The following SHC3 variants were observed in gnomAD, a reference collection of about 807,000 sequenced individuals.
The protein encoded by SHC3 is SHC adaptor protein 3, also known as SHC-transforming protein 3.
SHC3 carries 15 observed loss-of-function variants against 60.4 expected under a neutral mutation model. That is an observed-to-expected ratio of 0.25 (90% confidence interval 0.17 to 0.38). SHC3 has a LOEUF of 0.38. Ranked by LOEUF, SHC3 falls within the 10% of genes least tolerant of loss-of-function variation. The pLI is 1.00. For synonymous variants in SHC3, 294 were observed against 325.9 expected (o/e 0.90, Z 1.05); for missense variants, 677 against 786.1 (o/e 0.86, Z 1.66).
At chr9:89,170,764 A>G (rs1030434041) in intron 1 of SHC3, among the ~76,000 whole-genome samples, 4 of 152,232 alleles carry the variant, frequency 2.6e-5, no homozygotes, top group African/African-American at 9.6e-5. Context: ...AATAACACAA[A>G]TCGAACAATG....
At chr9:89,159,449 T>C (rs542297325) in intron 1 of SHC3, among the ~76,000 whole-genome samples, 230 of 152,320 alleles carry the variant, frequency 1.5e-3, no homozygotes, top group Middle Eastern at 6.8e-3. Context: ...CCTCTTTAGC[T>C]ACTTCAAGGA....
intron 1 of SHC3, among the ~76,000 whole-genome samples, chr9:89,123,735 T>C (rs529400273): frequency 1.3e-5 from 2 of 152,324 alleles, no homozygotes; most frequent in East Asian, 3.9e-4. Flanking sequence ...GAGGAATTTA[T>C]AAGAATTCAT....
chr9:89,128,977 C>T (rs774234728), intron 1 of SHC3, among the ~76,000 whole-genome samples: 33 of 152,090 alleles, frequency 2.2e-4, no homozygotes, highest in Non-Finnish European at 4.0e-4. Flanking sequence ...GGAGGATGTT[C>T]GAACCCATCA....
chr9:89,165,260 T>TTGTGTGTGTGTGTGTGTGTG (rs10626309), intron 1 of SHC3, among the ~76,000 whole-genome samples: 2 of 148,546 alleles, frequency 1.3e-5, no homozygotes, highest in African/African-American at 2.5e-5. Context: ...AAAGACGTGT[T>TTGTGTGTGTGTGTGTGTGTG]TGTGTGTGTG....
At chr9:89,077,937 T>G (rs1389952243) in intron 2 of SHC3, 34 bp from the exon 3 acceptor site, 7 of 1,613,112 alleles carry the variant, frequency 4.3e-6, no homozygotes, top group Non-Finnish European at 5.9e-6. Context: ...TTTTATTACG[T>G]GTCAGTCGGG....
At chr9:89,146,165 G>A (rs116872592) in intron 1 of SHC3, among the ~76,000 whole-genome samples, 2,010 of 152,026 alleles carry the variant, frequency 0.013, 20 homozygotes, top group South Asian at 0.032. Flanking sequence ...AGACCAGCCT[G>A]GTCAACATGG....
At chr9:89,163,429 T>A (rs1826740591) in intron 1 of SHC3, among the ~76,000 whole-genome samples, 1 of 151,300 alleles carries the variant, frequency 6.6e-6, no homozygotes, top group African/African-American at 2.4e-5. Context: ...AAATGATGAG[T>A]TCATGTCCTT....
chr9:89,063,062 T>A (rs759289310), intron 6 of SHC3, among the ~76,000 whole-genome samples: 2 of 152,236 alleles, frequency 1.3e-5, no homozygotes, highest in Admixed American at 6.5e-5. Context: ...TAAAGATGGC[T>A]GCAAATTCCT....
chr9:89,038,342 TAAAAA>T (rs4061828), intron 10 of SHC3, 54 bp from the exon 11 acceptor site: 9,933 of 1,215,328 alleles, frequency 8.2e-3, no homozygotes, highest in South Asian at 0.012. Context: ...GAGCAAATGA[TAAAAA>T]AAAAAAAAAA....
At chr9:89,024,882 G>A (rs927034896) in intron 11 of SHC3, among the ~76,000 whole-genome samples, 2 of 152,176 alleles carry the variant, frequency 1.3e-5, no homozygotes, top group Non-Finnish European at 2.9e-5. Flanking sequence ...AGTTTGTTCA[G>A]CATCTGAATG....
At chr9:89,147,591 A>G (rs1250381778) in intron 1 of SHC3, among the ~76,000 whole-genome samples, 3 of 150,672 alleles carry the variant, frequency 2.0e-5, no homozygotes, top group African/African-American at 4.9e-5. Context: ...AGCCCTCCTC[A>G]CTCCTCGAGT....
chr9:89,076,358 T>G (rs1162118659), intron 3 of SHC3, among the ~76,000 whole-genome samples: 1 of 152,200 alleles, frequency 6.6e-6, no homozygotes, highest in Non-Finnish European at 1.5e-5. Flanking sequence ...AGAAACAAGC[T>G]TGAGCCTGGG....
At chr9:89,032,801 G>A (rs948573634) in intron 11 of SHC3, among the ~76,000 whole-genome samples, 1 of 152,102 alleles carries the variant, frequency 6.6e-6, no homozygotes, top group African/African-American at 2.4e-5. Context: ...TCTGTTCTCT[G>A]CCAAGTTTCC....
intron 5 of SHC3, among the ~76,000 whole-genome samples, chr9:89,066,632 T>C (rs1361478149): frequency 6.6e-6 from 1 of 152,168 alleles, no homozygotes; most frequent in Non-Finnish European, 1.5e-5. Context: ...CATTCAAGAC[T>C]CTGTGGGGCA....
At chr9:89,110,693 G>A (rs1825934831) in intron 2 of SHC3, among the ~76,000 whole-genome samples, 1 of 152,172 alleles carries the variant, frequency 6.6e-6, no homozygotes, top group African/African-American at 2.4e-5. Flanking sequence ...AGCAAATTTA[G>A]CTTTCAAGAG....
At chr9:89,157,575 T>C (rs1826641008) in intron 1 of SHC3, among the ~76,000 whole-genome samples, 1 of 152,206 alleles carries the variant, frequency 6.6e-6, no homozygotes, top group African/African-American at 2.4e-5. Context: ...GAAACTAATA[T>C]ATTGCCAAAA....
chr9:89,176,466 A>G (rs529279064), intron 1 of SHC3, among the ~76,000 whole-genome samples: 1 of 152,246 alleles, frequency 6.6e-6, no homozygotes, highest in East Asian at 1.9e-4. Context: ...TGACAGGTAG[A>G]AAAAGCTTTG....
In SHC3 at chr9:89,127,495, C is replaced by A. The variant is rs191554728; in HGVS notation, c.475-14869G>T. Among the ~76,000 whole-genome samples, 176 of 152,200 alleles carry A rather than the reference C, an allele frequency of 1.2e-3. 1 individual carries two copies. Among genetic ancestry groups the A allele is most frequent in the African/African-American group, 3.9e-3 (161 of 41,552 alleles). On this transcript the variant is annotated intron_variant, in intron 1 of 11. Coordinates refer to ENST00000375835, the MANE Select transcript of SHC3 (RefSeq NM_016848.6). ...CCCACAGAACCTGTTTTGGAAAAAACCTCTGTTTTCCTCATGAAACCCCAG... is the reference window on the plus strand; with the variant it reads ...CCCACAGAACCTGTTTTGGAAAAAAACTCTGTTTTCCTCATGAAACCCCAG...
At chr9:89,048,666 C>T (rs1824812392) in intron 7 of SHC3, among the ~76,000 whole-genome samples, 1 of 152,152 alleles carries the variant, frequency 6.6e-6, no homozygotes, top group East Asian at 1.9e-4. Flanking sequence ...TATGAATTAT[C>T]AATTTTAAAA....
Sources: gnomAD v4.1 joint callset for allele counts (sites outside exome capture counted in the v4.1 genomes callset) on GRCh38, gnomAD v4.1.1 for gene constraint, MANE v1.5 for transcripts, NCBI Gene and HGNC (gene_info 2026-07-23, HGNC 2026-07-21) for gene names.